Variants in TENM1 observed in about 807,000 individuals in gnomAD.
TENM1 encodes the protein teneurin transmembrane protein 1, also known as teneurin-1.
A neutral mutation model predicts 174.8 loss-of-function variants in TENM1; 35 were observed. The observed-to-expected ratio is 0.20, with a 90% CI of 0.15 to 0.27. The LOEUF is 0.27. Ranked by LOEUF, TENM1 falls within the 10% of genes least tolerant of loss-of-function variation. The probability of loss-of-function intolerance (pLI) is 1.00; values close to 1 mark genes in which losing one functional copy is unlikely to be tolerated. For synonymous variants in TENM1, 781 were observed against 798.7 expected (o/e 0.98, Z 0.37); for missense variants, 1,633 against 2,130.1 (o/e 0.77, Z 4.59).
At chrX:124,825,805 G>A (rs2056147019) in intron 3 of TENM1, among the ~76,000 whole-genome samples, 1 of 111,810 alleles carries the variant, frequency 8.9e-6, no homozygotes, top group Non-Finnish European at 1.9e-5. Flanking sequence ...GTAGGATGTA[G>A]CCGTCAGGTG....
At chrX:124,982,271 A>G in the TENM1 span, among the ~76,000 whole-genome samples, 2 of 39,654 alleles carry the variant, frequency 5.0e-5, no homozygotes, top group African/African-American at 6.3e-4. Flanking sequence ...AGAAAATGTG[A>G]AAAAAAAAAA....
intron 20 of TENM1, among the ~76,000 whole-genome samples, chrX:124,495,357 GTTGT>G (rs1278839327): frequency 2.7e-5 from 3 of 109,257 alleles, no homozygotes; most frequent in Non-Finnish European, 5.7e-5. Flanking sequence ...TTTTGATGGG[GTTGT>G]TTGTTTTTTT....
At chrX:124,486,337 T>G (rs1347504650) in intron 21 of TENM1, among the ~76,000 whole-genome samples, 27 of 112,506 alleles carry the variant, frequency 2.4e-4, no homozygotes, top group Admixed American at 2.3e-3. Flanking sequence ...TCACATAGAT[T>G]GTTAAATGGG....
intron 5 of TENM1, among the ~76,000 whole-genome samples, chrX:124,679,028 T>A (rs184875919): frequency 1.2e-3 from 134 of 111,835 alleles, no homozygotes; most frequent in Non-Finnish European, 2.1e-3. Context: ...AAGGAATTCA[T>A]CTTGCACCTT....
At position 124,875,873 on chromosome X, in the gene TENM1, CA is replaced by C. The variant is rs60294401; in HGVS notation, c.535+18422del. The stretch of plus-strand genomic sequence containing the variant: ...CCTGAGAAACTGAGTGAGACTGTCT[CA>C]AAAAAAAAAAAAAAAAAAATCCTTC... On this transcript the variant is annotated intron_variant, in intron 3 of 31. Coordinates refer to ENST00000422452, the Ensembl canonical transcript of TENM1. 8.1e-3 allele frequency among the ~76,000 whole-genome samples: 460 copies of C among 56,769 alleles called. 11 individuals carry two copies. Among genetic ancestry groups the C allele is most frequent in the Middle Eastern group, 0.032 (3 of 94 alleles). 49.3% of individuals were successfully genotyped at this position (56,769 alleles called of 115,157 possible).
At chrX:124,520,674 C>T (rs763660900) in exon 18 of TENM1, 8 of 1,207,722 alleles carry the variant, frequency 6.6e-6, no homozygotes, top group African/African-American at 5.3e-5. Flanking sequence ...CTACAGGAAT[C>T]GTTGAATGTG....
chrX:125,049,714 G>C, the TENM1 span, among the ~76,000 whole-genome samples: 5 of 111,121 alleles, frequency 4.5e-5, no homozygotes, highest in African/African-American at 1.6e-4. Flanking sequence ...TTTTATTATA[G>C]CCATCCTCCT....
chrX:124,969,944 AATG>A, the TENM1 span, among the ~76,000 whole-genome samples: 2 of 112,060 alleles, frequency 1.8e-5, no homozygotes, highest in African/African-American at 3.2e-5. Flanking sequence ...CAAAAAATAA[AATG>A]ATGAGTATAA....
intron 3 of TENM1, among the ~76,000 whole-genome samples, chrX:124,890,899 A>T (rs1229769402): frequency 8.9e-6 from 1 of 112,156 alleles, no homozygotes; most frequent in Non-Finnish European, 1.9e-5. Flanking sequence ...AGCAACCTAA[A>T]TGTCCATCAA....
At chrX:124,425,368 C>A (rs12690325) in intron 23 of TENM1, among the ~76,000 whole-genome samples, 1 of 111,964 alleles carries the variant, frequency 8.9e-6, no homozygotes. Context: ...GCCATTCCAA[C>A]TGGGGTGAGA....
the TENM1 span, among the ~76,000 whole-genome samples, chrX:125,075,053 C>G: frequency 1.3e-4 from 14 of 111,680 alleles, no homozygotes; most frequent in African/African-American, 4.2e-4. Flanking sequence ...TCAGCACAAA[C>G]CAGCTTTAGG....
chrX:124,925,194 A>G (rs1396606615), intron 1 of TENM1, among the ~76,000 whole-genome samples: 1 of 110,387 alleles, frequency 9.1e-6, no homozygotes, highest in Non-Finnish European at 1.9e-5. Flanking sequence ...AATACATTTT[A>G]ATAATGTTGT....
At chrX:124,881,648 T>A (rs912215555) in intron 3 of TENM1, among the ~76,000 whole-genome samples, 1 of 110,956 alleles carries the variant, frequency 9.0e-6, no homozygotes, top group African/African-American at 3.3e-5. Context: ...GATGTGCGCA[T>A]TTTTTTCCCA....
At chrX:124,736,854 T>C (rs1193771602) in intron 4 of TENM1, 103 bp downstream of exon 7, 1 of 1,038,239 alleles carries the variant, frequency 9.6e-7, no homozygotes, top group African/African-American at 1.9e-5. Flanking sequence ...TTTGTGCATT[T>C]GTGTGTCTCT....
chrX:124,983,727 T>A, the TENM1 span, among the ~76,000 whole-genome samples: 1 of 111,230 alleles, frequency 9.0e-6, no homozygotes, highest in African/African-American at 3.3e-5. Context: ...CTAAAGCAAT[T>A]CTTGTGCCTC....
chrX:124,576,978 T>C (rs2049181658), intron 11 of TENM1, among the ~76,000 whole-genome samples: 1 of 111,662 alleles, frequency 9.0e-6, no homozygotes. Flanking sequence ...CACGTCTAAG[T>C]CCCCAAGCAA....
the TENM1 span, among the ~76,000 whole-genome samples, chrX:125,048,382 C>T: frequency 9.2e-6 from 1 of 109,175 alleles, no homozygotes; most frequent in Non-Finnish European, 1.9e-5. Context: ...CTACCTCAGC[C>T]TTCCAAGTAG....
At chrX:124,408,152 T>G (rs184392101) in intron 25 of TENM1, among the ~76,000 whole-genome samples, 44 of 110,723 alleles carry the variant, frequency 4.0e-4, no homozygotes, top group African/African-American at 1.5e-3. Context: ...AAAAATTAAT[T>G]AATTTTTTTG....
At chrX:125,019,227 T>G in the TENM1 span, among the ~76,000 whole-genome samples, 2 of 111,322 alleles carry the variant, frequency 1.8e-5, no homozygotes, top group Non-Finnish European at 3.8e-5. Flanking sequence ...CTAATTGCAA[T>G]TTTACATTAT....
Sources: allele counts gnomAD v4.1 joint callset (sites outside exome capture counted in the v4.1 genomes callset), GRCh38; gene constraint gnomAD v4.1.1; transcripts MANE v1.5; gene names NCBI Gene and HGNC (gene_info 2026-07-23, HGNC 2026-07-21).